PDE1A: variants seen among roughly 807,000 people sequenced by gnomAD.
PDE1A encodes the protein dual specificity calcium/calmodulin-dependent 3',5'-cyclic nucleotide phosphodiesterase 1A.
Under a neutral mutation model 61.7 loss-of-function variants are expected in PDE1A, and 35 were observed. The ratio of observed to expected loss-of-function variants is 0.57; its 90% CI spans 0.43 to 0.75. The LOEUF (loss-of-function observed/expected upper bound fraction) is 0.75. PDE1A is among the 30% of genes least tolerant of loss of function. The pLI is 0.00. For missense variants in PDE1A, 597 were observed against 630.6 expected (o/e 0.95, Z 0.57); for synonymous variants, 232 against 213.2 (o/e 1.09, Z -0.77).
intron 1 of PDE1A, among the ~76,000 whole-genome samples, chr2:182,367,467 T>C (rs938021121): frequency 1.3e-5 from 2 of 151,656 alleles, no homozygotes; most frequent in African/African-American, 4.8e-5. Context: ...TATTAAACAT[T>C]AGAAAAAAAA....
At chr2:182,556,384 A>T in the PDE1A span, among the ~76,000 whole-genome samples, 1 of 152,314 alleles carries the variant, frequency 6.6e-6, no homozygotes, top group Non-Finnish European at 1.5e-5. Flanking sequence ...GCTTACTTGT[A>T]AGCAGTTAAA....
rs147561180 is a variant in PDE1A at position 182,387,979 on chromosome 2, G to A, written c.53+38599C>T. ...GGAAACACATAGACTCAAAGTGAAGGGATAGAAAAAGATATTCCATGGAAA... is the reference window on the plus strand; with the variant it reads ...GGAAACACATAGACTCAAAGTGAAGAGATAGAAAAAGATATTCCATGGAAA... On this transcript the variant is annotated intron_variant, in intron 1 of 13. Coordinates refer to ENST00000351439, the Ensembl canonical transcript of PDE1A. 5.3e-5 allele frequency among the ~76,000 whole-genome samples: 8 copies of A among 151,998 alleles called. No homozygotes were observed. In the East Asian group the frequency reaches 1.5e-3, roughly 29 times the overall value.
chr2:182,513,497 A>G (rs929421671), intron 2 of PDE1A, among the ~76,000 whole-genome samples: 4 of 152,236 alleles, frequency 2.6e-5, no homozygotes, highest in African/African-American at 4.8e-5. Flanking sequence ...ACAAAAGTAC[A>G]CTTAAGTACA....
chr2:182,486,579 C>T (rs766140775), intron 2 of PDE1A, among the ~76,000 whole-genome samples: 102 of 151,992 alleles, frequency 6.7e-4, no homozygotes, highest in Non-Finnish European at 6.8e-4. Context: ...ACAGTTGGTA[C>T]TAGCATAAAT....
At chr2:182,404,706 C>T (rs369670685) in intron 1 of PDE1A, among the ~76,000 whole-genome samples, 1 of 152,054 alleles carries the variant, frequency 6.6e-6, no homozygotes, top group Admixed American at 6.6e-5. Context: ...TACCCTAGGG[C>T]CACACAAGGT....
chr2:182,663,792 A>C, the PDE1A span, among the ~76,000 whole-genome samples: 3 of 152,098 alleles, frequency 2.0e-5, no homozygotes, highest in Non-Finnish European at 4.4e-5. Context: ...TTACCTGTAT[A>C]ACAAACCTTC....
chr2:182,679,350 A>AT, the PDE1A span, among the ~76,000 whole-genome samples: 6,668 of 119,468 alleles, frequency 0.056, 238 homozygotes, highest in African/African-American at 0.065. Flanking sequence ...TGCTCAGCTA[A>AT]TTTTTTTTTT....
intron 1 of PDE1A, among the ~76,000 whole-genome samples, chr2:182,338,084 A>T (rs990474297): frequency 5.3e-5 from 8 of 152,204 alleles, no homozygotes; most frequent in African/African-American, 1.9e-4. Context: ...TTTCAGAGGT[A>T]AGTCTACAGA....
At chr2:182,626,792 C>CATATATACATATATATACAT in the PDE1A span, among the ~76,000 whole-genome samples, 2 of 8,972 alleles carry the variant, frequency 2.2e-4, no homozygotes, top group African/African-American at 4.2e-4. Context: ...CATATATATA[C>CATATATACATATATATACAT]ATATATATAC....
In PDE1A at chr2:182,230,153, A is replaced by G; in HGVS notation, c.535-7T>C. The G allele has an allele frequency of 6.2e-7, 1 of 1,609,342 alleles. No individual in the cohort carries two copies. Among genetic ancestry groups the G allele is most frequent in the Non-Finnish European group, 8.5e-7 (1 of 1,177,408 alleles). ...TTAGGCAAGAAACAGGAATCTGTGG[A>G]AAGTAATAATTATAATTATATTTTG... On this transcript the variant is annotated splice_region_variant and splice_polypyrimidine_tract_variant and intron_variant, in intron 5 of 13. Coordinates refer to ENST00000351439, the Ensembl canonical transcript of PDE1A.
At chr2:182,684,713 G>A in the PDE1A span, among the ~76,000 whole-genome samples, 1 of 152,090 alleles carries the variant, frequency 6.6e-6, no homozygotes, top group Non-Finnish European at 1.5e-5. Context: ...ACCACACCCA[G>A]CTATTTTTTG....
chr2:182,465,790 T>C (rs897342038), intron 2 of PDE1A, among the ~76,000 whole-genome samples: 3 of 152,080 alleles, frequency 2.0e-5, no homozygotes, highest in African/African-American at 7.2e-5. Flanking sequence ...TAAACATAAC[T>C]ATTCAGAATC....
chr2:182,531,655 T>C, the PDE1A span, among the ~76,000 whole-genome samples: 11 of 152,184 alleles, frequency 7.2e-5, no homozygotes, highest in Non-Finnish European at 1.3e-4. Flanking sequence ...TTTTCTTCTA[T>C]AAGGAGAAGC....
chr2:182,471,739 G>A (rs1413776194), intron 2 of PDE1A, among the ~76,000 whole-genome samples: 2 of 151,724 alleles, frequency 1.3e-5, no homozygotes, highest in East Asian at 1.9e-4. Context: ...TCAGCAATAC[G>A]GTGGCTAAAA....
chr2:182,385,670 G>GAAGAAAA (rs1347536475), intron 1 of PDE1A, among the ~76,000 whole-genome samples: 1 of 125,050 alleles, frequency 8.0e-6, no homozygotes, highest in Non-Finnish European at 1.8e-5. Flanking sequence ...AAGAAAAAAA[G>GAAGAAAA]AAAGAAAAGA....
chr2:182,652,061 T>C, the PDE1A span, among the ~76,000 whole-genome samples: 1 of 152,204 alleles, frequency 6.6e-6, no homozygotes, highest in Non-Finnish European at 1.5e-5. Flanking sequence ...GAGGGCTGTA[T>C]AGATCATAAA....
chr2:182,499,770 C>T (rs1028370753), intron 2 of PDE1A, among the ~76,000 whole-genome samples: 4 of 152,204 alleles, frequency 2.6e-5, no homozygotes, highest in African/African-American at 9.6e-5. Context: ...CATTTTTACA[C>T]ATGTATTTCT....
At chr2:182,417,848 G>T (rs1045729267) in intron 1 of PDE1A, among the ~76,000 whole-genome samples, 1 of 151,952 alleles carries the variant, frequency 6.6e-6, no homozygotes, top group African/African-American at 2.4e-5. Context: ...GAAGTTTGTT[G>T]TGTTTTGTTT....
intron 1 of PDE1A, among the ~76,000 whole-genome samples, chr2:182,366,859 A>T (rs1026395114): frequency 1.1e-4 from 16 of 152,062 alleles, no homozygotes; most frequent in African/African-American, 3.6e-4. Context: ...ATAAGAGCAG[A>T]TCCTTGAGCA....
Sources: gnomAD v4.1 joint callset for allele counts (sites outside exome capture counted in the v4.1 genomes callset) on GRCh38, gnomAD v4.1.1 for gene constraint, MANE v1.5 for transcripts, NCBI Gene and HGNC (gene_info 2026-07-23, HGNC 2026-07-21) for gene names.